N4BP1: variants seen among roughly 807,000 people sequenced by gnomAD.
The protein encoded by N4BP1 is NEDD4 binding protein 1, also known as NEDD4-binding protein 1.
In N4BP1, 21 loss-of-function variants were observed where a neutral mutation model predicts 70.9. The observed-to-expected ratio is 0.30, with a 90% CI of 0.21 to 0.43. The LOEUF (loss-of-function observed/expected upper bound fraction) is 0.43, where lower values mean the gene tolerates loss of function less well. N4BP1 is among the 20% of genes least tolerant of loss of function. N4BP1 has a pLI of 1.00. For synonymous variants in N4BP1, 387 were observed against 394.6 expected (o/e 0.98, Z 0.23); for missense variants, 936 against 1,069.4 (o/e 0.88, Z 1.74).
rs1319386557 is a variant in N4BP1, at chr16:48,609,982, G to A, written c.-10C>T. 31 of 1,192,942 alleles carry A rather than the reference G, an allele frequency of 2.6e-5. No homozygotes were observed. Among genetic ancestry groups the A allele is most frequent in the African/African-American group, 3.2e-5 (2 of 62,512 alleles). 73.9% of individuals were successfully genotyped at this position (1,192,942 alleles called of 1,614,324 possible). ...CCGCCCGGGCCGCCATGGCGGGCGCGGCCTCCCGCGGCGGCGCCGGGGGCC... is the reference window on the plus strand; with the variant it reads ...CCGCCCGGGCCGCCATGGCGGGCGCAGCCTCCCGCGGCGGCGCCGGGGGCC... On this transcript the variant is annotated 5_prime_UTR_variant, in exon 1 of 7. Coordinates refer to ENST00000262384, the MANE Select transcript of N4BP1 (RefSeq NM_153029.4).
At chr16:48,552,723 A>AG (rs1963692917) in intron 3 of N4BP1, among the ~76,000 whole-genome samples, 1 of 141,096 alleles carries the variant, frequency 7.1e-6, no homozygotes, top group Admixed American at 6.9e-5. Context: ...AAAAAAAAAA[A>AG]AAAAAAAAAA....
intron 1 of N4BP1, among the ~76,000 whole-genome samples, chr16:48,579,326 T>C (rs1430036768): frequency 6.6e-6 from 1 of 152,220 alleles, no homozygotes; most frequent in African/African-American, 2.4e-5. Context: ...AGTTTCATTT[T>C]AGTAGTTTGA....
chr16:48,554,364 TG>T (rs1331816298), intron 2 of N4BP1, among the ~76,000 whole-genome samples: 3 of 152,050 alleles, frequency 2.0e-5, no homozygotes, highest in Non-Finnish European at 4.4e-5. Flanking sequence ...CAAAAACAGG[TG>T]GGCGGGCCTG....
In N4BP1 at chr16:48,562,014, G is replaced by C; in HGVS notation, c.629C>G (p.Ser210Cys). The change falls in exon 2 of 7, where the codon TCT becomes TGT. Residue 210 changes from serine to cysteine, a missense_variant. Ser to Cys is a moderately radical substitution (Grantham distance 112). This residue lies in a region of N4BP1 where 515 missense variants were observed against 491.7 expected (regional missense o/e 1.05). Transcript: ENST00000262384. ...GDDEVIEMRD[S>C]QQTEFTQNAA... ...ATTCTGTGTAAACTCTGTTTGTTGA[G>C]AATCTCTCATTTCAATAACCTCATC... 6.2e-7 allele frequency: 1 copy of C among 1,613,820 alleles called. No individual in the cohort carries two copies. Among genetic ancestry groups the C allele is most frequent in the African/African-American group, 1.3e-5 (1 of 75,022 alleles).
chr16:48,608,255 G>T (rs370559374), intron 1 of N4BP1, among the ~76,000 whole-genome samples: 1 of 151,948 alleles, frequency 6.6e-6, no homozygotes, highest in Non-Finnish European at 1.5e-5. Context: ...CTTCCACCTC[G>T]GCCTCCCAAA....
intron 1 of N4BP1, among the ~76,000 whole-genome samples, chr16:48,594,014 A>C (rs1379629162): frequency 1.3e-5 from 2 of 151,006 alleles, no homozygotes; most frequent in East Asian, 1.9e-4. Flanking sequence ...AAAAAAAAAA[A>C]AAAACAAAAA....
At chr16:48,553,742 A>T in intron 2 of N4BP1, 73 bp from the exon 3 acceptor site, 1 of 1,260,760 alleles carries the variant, frequency 7.9e-7, no homozygotes, top group Non-Finnish European at 1.1e-6. Flanking sequence ...CACCATGAAA[A>T]GTTAACATAC....
At chr16:48,578,627 G>A (rs192355128) in intron 1 of N4BP1, among the ~76,000 whole-genome samples, 2 of 152,292 alleles carry the variant, frequency 1.3e-5, no homozygotes, top group Admixed American at 1.3e-4. Flanking sequence ...CTCTGTTACA[G>A]TACCAAAGTT....
chr16:48,608,385 G>A (rs1283615920), intron 1 of N4BP1, among the ~76,000 whole-genome samples: 1 of 152,164 alleles, frequency 6.6e-6, no homozygotes, highest in Non-Finnish European at 1.5e-5. Flanking sequence ...AAACACTCAC[G>A]ATTTTTTGTT....
In N4BP1 at chr16:48,541,583, G is replaced by T; in HGVS notation, c.*1321C>A. 6.6e-6 allele frequency: 1 copy of T among 152,514 alleles called. No homozygotes were observed. Among genetic ancestry groups the T allele is most frequent in the Non-Finnish European group, 1.5e-5 (1 of 68,208 alleles). The allele number at this position is 152,514 out of a possible 1,614,324, so 9.4% of individuals were successfully genotyped here. ...AACCAGCACTGAGTTCTCAGCCTCC[G>T]CTCCTCAGGACTAGGAGACAAGATC... On this transcript the variant is annotated 3_prime_UTR_variant, in exon 7 of 7. Coordinates refer to ENST00000262384, the MANE Select transcript of N4BP1 (RefSeq NM_153029.4).
At chr16:48,597,058 G>A (rs1964425198) in intron 1 of N4BP1, among the ~76,000 whole-genome samples, 1 of 152,048 alleles carries the variant, frequency 6.6e-6, no homozygotes, top group Non-Finnish European at 1.5e-5. Flanking sequence ...TCTCCAACCT[G>A]ACCAATCAGC....
At chr16:48,603,106 G>A (rs151250763) in intron 1 of N4BP1, among the ~76,000 whole-genome samples, 1 of 152,228 alleles carries the variant, frequency 6.6e-6, no homozygotes, top group African/African-American at 2.4e-5. Flanking sequence ...TACTGTAATA[G>A]GCCACTTCTA....
At chr16:48,606,580 C>T (rs1567449202) in intron 1 of N4BP1, among the ~76,000 whole-genome samples, 2 of 152,224 alleles carry the variant, frequency 1.3e-5, no homozygotes, top group African/African-American at 4.8e-5. Context: ...TACGACAAAT[C>T]TTCCCTTTAA....
At chr16:48,599,964 G>A (rs1197415069) in intron 1 of N4BP1, among the ~76,000 whole-genome samples, 1 of 152,106 alleles carries the variant, frequency 6.6e-6, no homozygotes, top group Non-Finnish European at 1.5e-5. Context: ...ATTTTGTATA[G>A]GTTTCTATTA....
At chr16:48,565,030 G>T (rs552864545) in intron 1 of N4BP1, among the ~76,000 whole-genome samples, 3 of 152,260 alleles carry the variant, frequency 2.0e-5, no homozygotes, top group Admixed American at 6.5e-5. Context: ...AAACCTTCCT[G>T]AACTCACTTA....
intron 1 of N4BP1, among the ~76,000 whole-genome samples, chr16:48,576,529 C>A (rs1410228907): frequency 2.0e-5 from 3 of 152,184 alleles, no homozygotes; most frequent in East Asian, 1.9e-4. Context: ...CAAAAACTTC[C>A]AGCTCTCCTG....
rs1172281695 is a variant in N4BP1 at position 48,542,127 on chromosome 16, A to G, written c.*777T>C. The G allele has an allele frequency of 6.6e-6, 1 of 152,164 alleles. No homozygotes were observed. The highest frequency in any genetic ancestry group is 1.9e-4 in the East Asian group (1 of 5,172). The allele number at this position is 152,164 out of a possible 1,614,324, so 9.4% of individuals were successfully genotyped here. ...TGGGCGTGTCAAGCCCTGGCTGGGG[A>G]GCCTGCTGCCTGCCCGGCCACTCCT... On this transcript the variant is annotated 3_prime_UTR_variant, in exon 7 of 7. Transcript: ENST00000262384.
At chr16:48,576,477 C>T (rs1373874563) in intron 1 of N4BP1, among the ~76,000 whole-genome samples, 2 of 152,212 alleles carry the variant, frequency 1.3e-5, no homozygotes, top group African/African-American at 4.8e-5. Flanking sequence ...ACTCTAGACG[C>T]TATCCCTACT....
At chr16:48,549,607 C>G (rs1034940266) in intron 4 of N4BP1, among the ~76,000 whole-genome samples, 4 of 152,222 alleles carry the variant, frequency 2.6e-5, no homozygotes, top group South Asian at 2.1e-4. Flanking sequence ...ACCTATCCCC[C>G]CCGGCACCCA....
Sources: allele counts gnomAD v4.1 joint callset (sites outside exome capture counted in the v4.1 genomes callset), GRCh38; gene constraint gnomAD v4.1.1; regional missense constraint gnomAD v4.1.1; transcripts MANE v1.5; gene names NCBI Gene and HGNC (gene_info 2026-07-23, HGNC 2026-07-21).